FGF12: variants seen among roughly 807,000 people sequenced by gnomAD.
FGF12 encodes the protein fibroblast growth factor 12, also known as fibroblast growth factor 12B.
In FGF12, 14 loss-of-function variants were observed where a neutral mutation model predicts 23.6. The ratio of observed to expected loss-of-function variants is 0.59; its 90% confidence interval spans 0.39 to 0.93. The LOEUF is 0.93. FGF12 is among the 40% of genes least tolerant of loss of function. The probability of loss-of-function intolerance (pLI) is 0.00; values close to 1 mark genes in which losing one functional copy is unlikely to be tolerated. For synonymous variants in FGF12, 62 were observed against 77.3 expected, an observed-to-expected ratio of 0.80 and a Z score of 1.04; for missense variants, 175 against 217.8, an observed-to-expected ratio of 0.80 and a Z score of 1.24.
intron 2 of FGF12, among the ~76,000 whole-genome samples, chr3:192,676,577 T>C (rs1473339736): frequency 1.3e-5 from 2 of 152,216 alleles, no homozygotes; most frequent in South Asian, 2.1e-4. Context: ...CCAAAATTCA[T>C]ATGTTGAATT....
chr3:192,291,159 T>C (rs1714737117), intron 4 of FGF12, among the ~76,000 whole-genome samples: 1 of 152,178 alleles, frequency 6.6e-6, no homozygotes, highest in South Asian at 2.1e-4. Context: ...TACTATTGAG[T>C]AGGAGAGCTT....
chr3:192,703,419 G>A (rs1718366993), intron 2 of FGF12, among the ~76,000 whole-genome samples: 1 of 152,162 alleles, frequency 6.6e-6, no homozygotes, highest in Admixed American at 6.5e-5. Context: ...TCTTTTTGCT[G>A]GTGAAGAATC....
intron 4 of FGF12, among the ~76,000 whole-genome samples, chr3:192,228,636 T>C (rs1026365002): frequency 1.3e-5 from 2 of 152,024 alleles, no homozygotes; most frequent in African/African-American, 4.8e-5. Flanking sequence ...ATTTTTACAG[T>C]GTTAGAGATA....
intron 2 of FGF12, among the ~76,000 whole-genome samples, chr3:192,475,731 G>A (rs1427139478): frequency 3.9e-5 from 6 of 152,110 alleles, no homozygotes; most frequent in East Asian, 1.9e-4. Flanking sequence ...AGGATTACAC[G>A]TCAGTGCAAA....
chr3:192,248,988 C>G (rs940902), intron 4 of FGF12, among the ~76,000 whole-genome samples: 70,359 of 151,830 alleles, frequency 0.46, 17,387 homozygotes, highest in East Asian at 0.94. Context: ...ACTGTTTTGG[C>G]GCTCAAATTG....
At position 192,366,827 on chromosome 3, in the gene FGF12, G is replaced by A. The variant is rs537359020; in HGVS notation, c.14-6289C>T. On this transcript the variant is annotated intron_variant, in intron 2 of 5. Transcript: ENST00000445105. ...GGAGGATTTGGAGAGCTGTCTCCAC[G>A]TTCTTGAAAATCCAAAGAAATAAGA... Among the ~76,000 whole-genome samples the A allele has an allele frequency of 1.2e-3, 186 of 152,312 alleles. 1 individual carries two copies. The Middle Eastern group carries it at 0.017, about 14-fold the overall frequency.
chr3:192,197,387 G>A (rs1717123297), intron 4 of FGF12, among the ~76,000 whole-genome samples: 1 of 152,084 alleles, frequency 6.6e-6, no homozygotes, highest in African/African-American at 2.4e-5. Flanking sequence ...AACGAAGTCT[G>A]CGTTATATGA....
intron 2 of FGF12, among the ~76,000 whole-genome samples, chr3:192,472,156 A>C (rs1246232747): frequency 1.3e-5 from 2 of 152,032 alleles, no homozygotes; most frequent in African/African-American, 4.8e-5. Context: ...AGCTGGGACT[A>C]CAGGCGCCTG....
intron 4 of FGF12, among the ~76,000 whole-genome samples, chr3:192,291,582 T>TAA (rs577731535): frequency 6.7e-6 from 1 of 149,912 alleles, no homozygotes; most frequent in Non-Finnish European, 1.5e-5. Flanking sequence ...AACCCTGTCT[T>TAA]AAAAAAAAGA....
intron 2 of FGF12, among the ~76,000 whole-genome samples, chr3:192,375,591 A>T (rs1294776141): frequency 6.6e-6 from 1 of 152,178 alleles, no homozygotes; most frequent in Admixed American, 6.5e-5. Flanking sequence ...AATGCTCGTC[A>T]TAAGATTTTT....
intron 4 of FGF12, among the ~76,000 whole-genome samples, chr3:192,270,765 A>G (rs1713380447): frequency 6.6e-6 from 1 of 151,796 alleles, no homozygotes; most frequent in Non-Finnish European, 1.5e-5. Context: ...AGACAGATGA[A>G]TGGATGGAGG....
intron 2 of FGF12, among the ~76,000 whole-genome samples, chr3:192,555,026 A>T (rs1165783025): frequency 6.6e-6 from 1 of 152,174 alleles, no homozygotes; most frequent in African/African-American, 2.4e-5. Flanking sequence ...AGAAAGACTA[A>T]GAAACTTATG....
intron 4 of FGF12, among the ~76,000 whole-genome samples, chr3:192,212,385 G>A (rs1363060206): frequency 1.3e-5 from 2 of 151,834 alleles, no homozygotes; most frequent in African/African-American, 4.8e-5. Context: ...TTTAGTTCAG[G>A]CAGTTAGTTT....
chr3:192,562,403 G>A (rs191307702), intron 2 of FGF12, among the ~76,000 whole-genome samples: 62 of 152,082 alleles, frequency 4.1e-4, no homozygotes, highest in African/African-American at 1.4e-3. Context: ...TTAGACAATA[G>A]AAACACAAAG....
At chr3:192,552,723 G>C (rs996665816) in intron 2 of FGF12, among the ~76,000 whole-genome samples, 1 of 151,780 alleles carries the variant, frequency 6.6e-6, no homozygotes, top group Admixed American at 6.6e-5. Context: ...AAATCCCATC[G>C]CTACTAAAAA....
intron 4 of FGF12, among the ~76,000 whole-genome samples, chr3:192,227,530 T>C (rs185375125): frequency 1.3e-4 from 20 of 150,404 alleles, no homozygotes; most frequent in Non-Finnish European, 3.0e-4. Context: ...AAAAAACATT[T>C]ACTTCTACCT....
intron 4 of FGF12, among the ~76,000 whole-genome samples, chr3:192,316,807 C>A (rs1409058068): frequency 1.3e-5 from 2 of 152,186 alleles, no homozygotes; most frequent in African/African-American, 2.4e-5. Context: ...CAACCCCAGG[C>A]AGTGCAGCTA....
intron 2 of FGF12, among the ~76,000 whole-genome samples, chr3:192,547,465 C>A (rs969836366): frequency 6.6e-5 from 10 of 152,156 alleles, no homozygotes; most frequent in African/African-American, 2.4e-4. Context: ...TCTTTCATCA[C>A]CTCAATGATA....
chr3:192,161,298 T>C (rs1349648542), intron 5 of FGF12, among the ~76,000 whole-genome samples: 2 of 152,120 alleles, frequency 1.3e-5, no homozygotes, highest in East Asian at 3.8e-4. Flanking sequence ...GTGGGCTCTC[T>C]AGGTAATTCT....
Sources: gnomAD v4.1 joint callset for allele counts (sites outside exome capture counted in the v4.1 genomes callset) on GRCh38, gnomAD v4.1.1 for gene constraint, MANE v1.5 for transcripts, NCBI Gene and HGNC (gene_info 2026-07-23, HGNC 2026-07-21) for gene names.